ARID1B: variants seen among roughly 807,000 people sequenced by gnomAD.
ARID1B encodes AT-rich interaction domain 1B.
ARID1B carries 30 observed loss-of-function variants against 212.3 expected under a neutral mutation model. The observed-to-expected ratio is 0.14, with a 90% CI of 0.11 to 0.19. The LOEUF (loss-of-function observed/expected upper bound fraction) is 0.19. Ranked by LOEUF, ARID1B falls within the 10% of genes least tolerant of loss-of-function variation. The pLI, the probability that ARID1B is intolerant of heterozygous loss-of-function variation, is 1.00. For synonymous variants in ARID1B, 1,402 were observed against 1,301.7 expected, an observed-to-expected ratio of 1.08 and a Z score of -1.66; for missense variants, 2,891 against 3,204.0, an observed-to-expected ratio of 0.90 and a Z score of 2.36.
intron 4 of ARID1B, chr6:157,024,051 T>C (rs916480471): frequency 3.3e-5 from 5 of 152,238 alleles, no homozygotes; most frequent in Non-Finnish European, 5.9e-5. Flanking sequence ...ACATTTCATA[T>C]GAGATTTATC....
intron 3 of ARID1B, among the ~76,000 whole-genome samples, chr6:156,913,112 A>G (rs1438177038): frequency 6.6e-6 from 1 of 151,402 alleles, no homozygotes; most frequent in Non-Finnish European, 1.5e-5. Context: ...TATATATACT[A>G]CATTGTAGAG....
intron 1 of ARID1B, among the ~76,000 whole-genome samples, chr6:156,801,642 C>T (rs999894522): frequency 6.6e-6 from 1 of 151,928 alleles, no homozygotes; most frequent in African/African-American, 2.4e-5. Flanking sequence ...CAGGTTCTGC[C>T]ATATTGTCTA....
At chr6:156,925,038 A>G (rs992664556) in intron 3 of ARID1B, among the ~76,000 whole-genome samples, 6 of 152,202 alleles carry the variant, frequency 3.9e-5, no homozygotes, top group African/African-American at 1.2e-4. Context: ...CTTCTTTCCT[A>G]CGAAAGAAGG....
intron 1 of ARID1B, among the ~76,000 whole-genome samples, chr6:156,821,538 T>C (rs1782353909): frequency 6.6e-6 from 1 of 152,212 alleles, no homozygotes; most frequent in Non-Finnish European, 1.5e-5. Flanking sequence ...GTAGATGCTT[T>C]GAAAGGATTT....
intron 2 of ARID1B, among the ~76,000 whole-genome samples, chr6:156,896,704 C>A (rs1394201746): frequency 6.6e-6 from 1 of 151,402 alleles, no homozygotes; most frequent in Non-Finnish European, 1.5e-5. Context: ...CATGGTGAAA[C>A]CCCGTCTCTA....
chr6:156,779,222 G>C lies in ARID1B; in HGVS notation c.1542G>C (p.Arg514=). 2 of 1,268,250 alleles carry C rather than the reference G, an allele frequency of 1.6e-6. No individual in the cohort carries two copies. The highest frequency in any genetic ancestry group is 1.6e-5 in the African/African-American group (1 of 63,240). The allele number at this position is 1,268,250 out of a possible 1,614,324, so 78.6% of individuals were successfully genotyped here. A position where few individuals can be genotyped will look rare whatever the true frequency, so the allele number is the denominator to read the frequency against. The part of the protein sequence containing the change: ...QLLTSPSPMM[R]SYGGSYPEYS... ...TCACCTCGCCCAGCCCCATGATGCG[G>C]AGCTACGGCGGCAGCTACCCCGAGT... is the stretch of plus-strand genomic sequence containing the variant. Residue 514 remains arginine, a synonymous_variant, in exon 1 of 20, where the codon CGG becomes CGC. Coordinates refer to ENST00000636930, the MANE Select transcript of ARID1B (RefSeq NM_001374828.1).
At chr6:157,017,326 A>G (rs775896436) in intron 4 of ARID1B, among the ~76,000 whole-genome samples, 2 of 152,220 alleles carry the variant, frequency 1.3e-5, no homozygotes, top group African/African-American at 4.8e-5. Flanking sequence ...ATTGGGAAAT[A>G]ATTCATACTC....
At chr6:157,161,229 C>G (rs1790907135) in intron 8 of ARID1B, among the ~76,000 whole-genome samples, 2 of 152,090 alleles carry the variant, frequency 1.3e-5, no homozygotes, top group African/African-American at 4.8e-5. Flanking sequence ...CACTTCTATT[C>G]TATGTCTTTT....
chr6:157,199,483 C>T (rs1562343919), intron 17 of ARID1B, among the ~76,000 whole-genome samples: 2 of 151,878 alleles, frequency 1.3e-5, no homozygotes, highest in African/African-American at 4.8e-5. Context: ...AACCGCCCTT[C>T]GTGGTGTGGC....
chr6:157,099,307 G>A (rs78674410), intron 5 of ARID1B, among the ~76,000 whole-genome samples: 8,368 of 152,186 alleles, frequency 0.055, 349 homozygotes, highest in Non-Finnish European at 0.086. Context: ...CTAGAAGTCC[G>A]TGCATCACCA....
chr6:156,818,331 G>C lies in ARID1B; in HGVS notation c.1792-10896G>C, dbSNP rs569525280. On this transcript the variant is annotated intron_variant, in intron 1 of 19. Transcript: ENST00000636930. ...GGCAAGCACCCTTTGTCCCAAGATA[G>C]GTAAGTCAGTTGGTAATTTTCTTAT... is the stretch of plus-strand genomic sequence containing the variant. Among the ~76,000 whole-genome samples the C allele has an allele frequency of 6.6e-5, 10 of 151,922 alleles. No homozygotes were observed. In the South Asian group the frequency reaches 2.1e-3, roughly 32 times the overall value.
chr6:156,862,403 C>G (rs1785394410), intron 2 of ARID1B, among the ~76,000 whole-genome samples: 1 of 152,146 alleles, frequency 6.6e-6, no homozygotes, highest in Non-Finnish European at 1.5e-5. Context: ...AAGGAGAGGG[C>G]TGAGCACACC....
chr6:156,871,755 A>AG, intron 2 of ARID1B: 1 of 1,384,228 alleles, frequency 7.2e-7, no homozygotes, highest in Non-Finnish European at 1.0e-6. Context: ...CTGCAGGAAC[A>AG]GGGGCTTCTT....
intron 4 of ARID1B, among the ~76,000 whole-genome samples, chr6:156,980,485 A>G (rs1777539968): frequency 1.0e-5 from 1 of 99,536 alleles, no homozygotes; most frequent in Admixed American, 9.8e-5. Flanking sequence ...CTACATCTCA[A>G]AAACAAAACA....
At chr6:157,161,429 G>GTATATATATATATA (rs1228344142) in intron 8 of ARID1B, among the ~76,000 whole-genome samples, 44 of 134,080 alleles carry the variant, frequency 3.3e-4, no homozygotes, top group African/African-American at 1.3e-3. Flanking sequence ...GATTGTGTGT[G>GTATATATATATATA]TGTATATATA....
intron 8 of ARID1B, among the ~76,000 whole-genome samples, chr6:157,159,927 G>A (rs376081838): frequency 6.6e-6 from 1 of 152,168 alleles, no homozygotes; most frequent in African/African-American, 2.4e-5. Context: ...TAAAGCTGTC[G>A]CAAAACAATA....
intron 6 of ARID1B, among the ~76,000 whole-genome samples, chr6:157,127,727 G>A (rs1024711834): frequency 2.1e-5 from 3 of 141,246 alleles, no homozygotes; most frequent in Admixed American, 1.5e-4. Flanking sequence ...AGTGAGCCAA[G>A]ATCGCGCCAC....
At chr6:157,021,696 G>T (rs771434921) in intron 4 of ARID1B, among the ~76,000 whole-genome samples, 3 of 152,006 alleles carry the variant, frequency 2.0e-5, no homozygotes, top group Non-Finnish European at 4.4e-5. Context: ...TTCCGGGCAA[G>T]CGCGGCCGCC....
chr6:157,086,330 G>C (rs78486444), intron 5 of ARID1B, among the ~76,000 whole-genome samples: 82 of 152,268 alleles, frequency 5.4e-4, no homozygotes, highest in Non-Finnish European at 1.0e-3. Flanking sequence ...TGTCCTCATA[G>C]TGTTTGTAAT....
Sources: allele counts gnomAD v4.1 joint callset (sites outside exome capture counted in the v4.1 genomes callset), GRCh38; gene constraint gnomAD v4.1.1; transcripts MANE v1.5; gene names NCBI Gene and HGNC (gene_info 2026-07-23, HGNC 2026-07-21).